The following MBD4 variants were observed in gnomAD, a reference collection of about 807,000 sequenced individuals.
MBD4 encodes methyl-CpG binding domain 4, DNA glycosylase.
A neutral mutation model predicts 60.2 loss-of-function variants in MBD4; 53 were observed. The observed-to-expected ratio is 0.88, with a 90% CI of 0.71 to 1.11. The LOEUF is 1.11. MBD4 is among the 50% of genes least tolerant of loss of function. The pLI is 0.00. For synonymous variants in MBD4, 231 were observed against 229.8 expected (o/e 1.01, Z -0.05); for missense variants, 619 against 674.0 (o/e 0.92, Z 0.90).
chr3:129,436,988 C>T lies in MBD4; in HGVS notation c.656G>A (p.Gly219Asp), dbSNP rs1460338276. The change falls in exon 3 of 8, where the codon GGT (glycine) becomes GAT (aspartate). Residue 219 changes from glycine to aspartate, a missense_variant. Gly to Asp is a moderately conservative substitution (Grantham distance 94, BLOSUM62 -1). Coordinates refer to ENST00000429544, the MANE Select transcript of MBD4 (RefSeq NM_001276270.2). Reference sequence around the variant, plus strand: ...CTTTCTGAAGTTAACATCATCAACACCCTCATCTTCTTTCAAAAGCAAATG... The same window carrying T: ...CTTTCTGAAGTTAACATCATCAACATCCTCATCTTCTTTCAAAAGCAAATG... ...STHLLLKEDE[G>D]VDDVNFRKVR... The T allele has an allele frequency of 1.2e-6, 2 of 1,614,182 alleles. No individual in the cohort carries two copies. The highest frequency in any genetic ancestry group is 1.1e-5 in the South Asian group (1 of 91,078).
intron 3 of MBD4, among the ~76,000 whole-genome samples, chr3:129,435,962 T>A (rs2072451228): frequency 6.6e-6 from 1 of 152,210 alleles, no homozygotes; most frequent in Admixed American, 6.5e-5. Flanking sequence ...CTATGATATA[T>A]ACAAAATTAA....
chr3:129,434,811 C>T lies in MBD4; in HGVS notation c.1184-675G>A, dbSNP rs140209604. On this transcript the variant is annotated intron_variant, in intron 3 of 7. Coordinates refer to ENST00000429544, the MANE Select transcript of MBD4 (RefSeq NM_001276270.2). ...CGCTTACCAAAAAAAGGGATACAGA[C>T]AAAACAGAATCTGCAGAAAAACCTA... Among the ~76,000 whole-genome samples, 293 of 152,210 alleles carry T rather than the reference C, an allele frequency of 1.9e-3. 1 individual carries two copies. The highest frequency in any genetic ancestry group is 6.1e-3 in the African/African-American group (252 of 41,510).
chr3:129,439,886 G>T lies in MBD4; in HGVS notation c.-53C>A. On this transcript the variant is annotated 5_prime_UTR_variant, in exon 1 of 8. Transcript: ENST00000429544. ...CCCAGCGCCGCAACGCCCAGGGTGT[G>T]GGGCGGAGTAAGATGTGAAACCTCT... 1.6e-6 allele frequency: 2 copies of T among 1,265,688 alleles called. No homozygotes were observed. The highest frequency in any genetic ancestry group is 2.3e-6 in the Non-Finnish European group (2 of 869,912). 78.4% of individuals were successfully genotyped at this position (1,265,688 alleles called of 1,614,324 possible).
chr3:129,439,701 CTG>C (rs1224460684), intron 1 of MBD4, 27 bp downstream of exon 1: 1 of 1,347,986 alleles, frequency 7.4e-7, no homozygotes, highest in Non-Finnish European at 1.0e-6. Flanking sequence ...GGTGGTGAAA[CTG>C]AGGCCCAAAA....
rs931774472 is a variant in MBD4, at chr3:129,433,101, A to G, written c.1540T>C (p.Ser514Pro). ...CTTTGGGTGTATAGGAAAATACCTG[A>G]GAACTTGACAATGGTTTTTGCCCGA... Reference protein sequence around the residue: ...DLRAKTIVKFSDEYLTKQWKY... With the variant: ...DLRAKTIVKFPDEYLTKQWKY... The change falls in exon 6 of 8, where the codon TCA becomes CCA. Residue 514 changes from serine (S) to proline (P), a missense_variant. Coordinates refer to ENST00000429544, the MANE Select transcript of MBD4 (RefSeq NM_001276270.2). 3 of 1,614,090 alleles carry G rather than the reference A, an allele frequency of 1.9e-6. No homozygotes were observed. Among genetic ancestry groups the G allele is most frequent in the Non-Finnish European group, 2.5e-6 (3 of 1,180,030 alleles).
intron 3 of MBD4, 37 bp from the exon 4 acceptor site, chr3:129,434,173 G>A: frequency 1.3e-6 from 2 of 1,536,530 alleles, no homozygotes; most frequent in Non-Finnish European, 9.0e-7. Context: ...GGAGTCTATG[G>A]TTTAGCTTAA....
Position 129,439,940 on chromosome 3 carries a change from G to T in MBD4, c.-107C>A. On this transcript the variant is annotated 5_prime_UTR_variant, in exon 1 of 8. Coordinates refer to ENST00000429544, the MANE Select transcript of MBD4 (RefSeq NM_001276270.2). The stretch of plus-strand genomic sequence containing the variant: ...GCTCACGGCACCGGGCTGCAACCGA[G>T]GTCTGAATGTTGCGAAAGCGCCCCA... 1.1e-6 allele frequency: 1 copy of T among 870,722 alleles called. No homozygotes were observed. Among genetic ancestry groups the T allele is most frequent in the Non-Finnish European group, 1.9e-6 (1 of 530,400 alleles). The allele number at this position is 870,722 out of a possible 1,614,324, so 53.9% of individuals were successfully genotyped here. A position where few individuals can be genotyped will look rare whatever the true frequency, so the allele number is the denominator to read the frequency against.
chr3:129,437,930 T>A lies in MBD4; in HGVS notation c.125A>T (p.Glu42Val), dbSNP rs758425374. ...CTCATCTTCTCCCACTCTTTCCAAT[T>A]CCATAGCAACATCTTCTTTGCTGGA... is the stretch of plus-strand genomic sequence containing the variant. The part of the protein sequence containing the change: ...NDLRKEDVAM[E>V]LERVGEDEEQ... The change falls in exon 2 of 8, where the codon GAA becomes GTA. Residue 42 changes from glutamate (E) to valine (V), a missense_variant. Physicochemically the swap from Glu to Val is moderately radical, Grantham distance 121. Transcript: ENST00000429544. 7 of 1,611,090 alleles carry A rather than the reference T, an allele frequency of 4.3e-6. No homozygotes were observed. The East Asian group carries it at 1.6e-4, about 36-fold the overall frequency.
In MBD4 at chr3:129,431,595, A is replaced by C. The variant is rs781346153; in HGVS notation, c.1648-17T>G. Reference sequence around the variant, plus strand: ...AGGGTGCACCTGGAAGAAACATAAGATACAGAGGCAGAGACCTTAATGTAA... The same window carrying C: ...AGGGTGCACCTGGAAGAAACATAAGCTACAGAGGCAGAGACCTTAATGTAA... On this transcript the variant is annotated splice_polypyrimidine_tract_variant and intron_variant, in intron 7 of 7. Coordinates refer to ENST00000429544, the MANE Select transcript of MBD4 (RefSeq NM_001276270.2). 12 of 1,563,634 alleles carry C rather than the reference A, an allele frequency of 7.7e-6. No homozygotes were observed. Among genetic ancestry groups the C allele is most frequent in the South Asian group, 2.2e-5 (2 of 90,166 alleles).
In MBD4 at chr3:129,439,742, G is replaced by C. The variant is rs757032687; in HGVS notation, c.92C>G (p.Pro31Arg). 6.3e-7 allele frequency: 1 copy of C among 1,590,128 alleles called. No individual in the cohort carries two copies. The highest frequency in any genetic ancestry group is 8.6e-7 in the Non-Finnish European group (1 of 1,168,294). Reference sequence around the variant, plus strand: ...GACAGTAACTTACCGGAGGTCATTCGGCGGGTCTGGGACTAGGCGCTCACT... The same window carrying C: ...GACAGTAACTTACCGGAGGTCATTCCGCGGGTCTGGGACTAGGCGCTCACT... ...TSSERLVPDP[P>R]NDLRKEDVAM... Residue 31 changes from proline (P) to arginine (R), a missense_variant, in exon 1 of 8, where the codon CCG (proline) becomes CGG (arginine). Transcript: ENST00000429544.
rs572957866 is a variant in MBD4, at chr3:129,439,914, A to G, written c.-81T>C. On this transcript the variant is annotated 5_prime_UTR_variant, in exon 1 of 8. Coordinates refer to ENST00000429544, the MANE Select transcript of MBD4 (RefSeq NM_001276270.2). ...GCGGAGTAAGATGTGAAACCTCTTCAGCTCACGGCACCGGGCTGCAACCGA... is the reference window on the plus strand; with the variant it reads ...GCGGAGTAAGATGTGAAACCTCTTCGGCTCACGGCACCGGGCTGCAACCGA... The G allele has an allele frequency of 4.0e-6, 4 of 997,898 alleles. No homozygotes were observed. Among genetic ancestry groups the G allele is most frequent in the Middle Eastern group, 2.4e-4 (1 of 4,196 alleles). 61.8% of individuals were successfully genotyped at this position (997,898 alleles called of 1,614,324 possible).
In MBD4 at chr3:129,431,495, C is replaced by T. The variant is rs926346954; in HGVS notation, c.*6G>A. On this transcript the variant is annotated 3_prime_UTR_variant, in exon 8 of 8. Transcript: ENST00000429544. The stretch of plus-strand genomic sequence containing the variant: ...GCATAACAGATGAGCTTGAAAGCTG[C>T]AGAGTTTAAGATAGACTTAATTTTT... 31 of 1,610,170 alleles carry T rather than the reference C, an allele frequency of 1.9e-5. No individual in the cohort carries two copies. Among genetic ancestry groups the T allele is most frequent in the Non-Finnish European group, 2.5e-5 (30 of 1,177,178 alleles).
At position 129,437,436 on chromosome 3, in the gene MBD4, A is replaced by G. The variant is rs907679571; in HGVS notation, c.336-128T>C. ...ATAGGTATCTGTCATTTAAAAATGA[A>G]AAAGAGTGATAAATGGCACTTTTAA... On this transcript the variant is annotated intron_variant, in intron 2 of 7. Transcript: ENST00000429544. 7.7e-6 allele frequency: 6 copies of G among 776,962 alleles called. No homozygotes were observed. The African/African-American group carries it at 1.1e-4, about 14-fold the overall frequency. 48.1% of individuals were successfully genotyped at this position (776,962 alleles called of 1,614,324 possible). A position where few individuals can be genotyped will look rare whatever the true frequency, so the allele number is the denominator to read the frequency against.
At chr3:129,434,217 C>A in intron 3 of MBD4, 81 bp from the exon 4 acceptor site, 1 of 1,090,664 alleles carries the variant, frequency 9.2e-7, no homozygotes. Flanking sequence ...ATAATATCAA[C>A]ACTATTACAA....
At chr3:129,436,171 G>C (rs3138343) in intron 3 of MBD4, among the ~76,000 whole-genome samples, 5,081 of 152,244 alleles carry the variant, frequency 0.033, 260 homozygotes, top group South Asian at 0.11. Context: ...AGTCCCAGCT[G>C]CTGCACCAGG....
chr3:129,432,968 T>A lies in MBD4; in HGVS notation c.1543+130A>T, dbSNP rs3138359. 7.6e-4 allele frequency: 944 copies of A among 1,240,146 alleles called. 8 individuals are homozygous for A. The African/African-American group carries it at 0.013, about 18-fold the overall frequency. The allele number at this position is 1,240,146 out of a possible 1,614,324, so 76.8% of individuals were successfully genotyped here. A position where few individuals can be genotyped will look rare whatever the true frequency, so the allele number is the denominator to read the frequency against. On this transcript the variant is annotated intron_variant, in intron 6 of 7. Coordinates refer to ENST00000429544, the MANE Select transcript of MBD4 (RefSeq NM_001276270.2). ...GTGGTTTGGGGAAAGTGGACTTTTT[T>A]AAATGCCTTGGGTGCTTGAGCTGAA...
At position 129,436,682 on chromosome 3, in the gene MBD4, G is replaced by A; in HGVS notation, c.962C>T (p.Ser321Leu). 1 of 1,613,940 alleles carries A rather than the reference G, an allele frequency of 6.2e-7. No homozygotes were observed. Among genetic ancestry groups the A allele is most frequent in the Non-Finnish European group, 8.5e-7 (1 of 1,179,980 alleles). The part of the protein sequence containing the change: ...KKKERSLSSG[S>L]NFCSEQKTSG... ...AGTTTTTTGTTCAGAACAAAAATTT[G>A]ATCCTGAACTCAATGATCTTTCTTT... The change falls in exon 3 of 8, where the codon TCA (serine) becomes TTA (leucine). Residue 321 changes from serine (S) to leucine (L), a missense_variant. Ser to Leu is a moderately radical substitution (Grantham distance 145, BLOSUM62 -2). Coordinates refer to ENST00000429544, the MANE Select transcript of MBD4 (RefSeq NM_001276270.2).
Position 129,437,078 on chromosome 3 carries a change from A to C in MBD4, c.566T>G (p.Phe189Cys). ...RTRSKCKKDV[F>C]MPPSSSSELQ... ...CTCTGAACTACTACTTGGCGGCATA[A>C]ACACATCCTTTTTGCACTTGCTTCG... Residue 189 changes from phenylalanine to cysteine, a missense_variant, in exon 3 of 8, where the codon TTT (phenylalanine) becomes TGT (cysteine). Coordinates refer to ENST00000429544, the MANE Select transcript of MBD4 (RefSeq NM_001276270.2). The C allele has an allele frequency of 6.2e-7, 1 of 1,614,116 alleles. No individual in the cohort carries two copies. The highest frequency in any genetic ancestry group is 8.5e-7 in the Non-Finnish European group (1 of 1,179,962).
intron 7 of MBD4, chr3:129,432,274 C>G: frequency 4.8e-6 from 7 of 1,462,440 alleles, no homozygotes; most frequent in Non-Finnish European, 6.3e-6. Flanking sequence ...TGACAAACCA[C>G]TGGAGATGAG....
Sources: allele counts gnomAD v4.1 joint callset (sites outside exome capture counted in the v4.1 genomes callset), GRCh38; gene constraint gnomAD v4.1.1; transcripts MANE v1.5; gene names NCBI Gene and HGNC (gene_info 2026-07-23, HGNC 2026-07-21).